The following WRN variants were observed in gnomAD, a reference collection of about 807,000 sequenced individuals.
The protein encoded by WRN is bifunctional 3'-5' exonuclease/ATP-dependent helicase WRN.
Under a neutral mutation model 180.7 loss-of-function variants are expected in WRN, and 149 were observed. The observed-to-expected ratio is 0.82, with a 90% CI of 0.72 to 0.94. WRN has a LOEUF of 0.94. Ranked by LOEUF, WRN falls within the 40% of genes least tolerant of loss-of-function variation. The pLI is 0.00. For missense variants in WRN, 1,661 were observed against 1,700.1 expected (o/e 0.98, Z 0.40); for synonymous variants, 548 against 568.9 (o/e 0.96, Z 0.52).
intron 3 of WRN, among the ~76,000 whole-genome samples, chr8:31,060,701 G>A (rs781181815): frequency 2.0e-5 from 3 of 152,194 alleles, no homozygotes; most frequent in Non-Finnish European, 2.9e-5. Flanking sequence ...GTTTCACAGA[G>A]GAGGTAAAAT....
At chr8:31,086,589 T>TA (rs989440590) in intron 11 of WRN, among the ~76,000 whole-genome samples, 2,159 of 144,146 alleles carry the variant, frequency 0.015, 23 homozygotes, top group Non-Finnish European at 0.022. Flanking sequence ...ATTAAAAAAT[T>TA]AAAAAAAAAA....
intron 1 of WRN, among the ~76,000 whole-genome samples, chr8:31,055,665 A>T (rs1812244527): frequency 6.6e-6 from 1 of 150,972 alleles, no homozygotes; most frequent in Non-Finnish European, 1.5e-5. Flanking sequence ...CTGGATATAG[A>T]CCTTTGTCAG....
intron 33 of WRN, among the ~76,000 whole-genome samples, chr8:31,159,817 C>T (rs562408791): frequency 1.3e-4 from 19 of 151,768 alleles, no homozygotes; most frequent in African/African-American, 3.4e-4. Flanking sequence ...TGGTGGCATG[C>T]GCCTGTAATC....
intron 31 of WRN, among the ~76,000 whole-genome samples, chr8:31,153,931 T>G (rs540266009): frequency 6.6e-6 from 1 of 152,164 alleles, no homozygotes; most frequent in East Asian, 1.9e-4. Context: ...CTTCTTTAAA[T>G]TATTAATTTC....
intron 18 of WRN, among the ~76,000 whole-genome samples, chr8:31,107,433 T>G (rs1801138656): frequency 6.6e-6 from 1 of 152,194 alleles, no homozygotes; most frequent in African/African-American, 2.4e-5. Context: ...TGGACGTCAT[T>G]GGATCATTTT....
intron 8 of WRN, 146 bp downstream of exon 8, chr8:31,076,433 T>G (rs946063276): frequency 1.0e-5 from 7 of 681,096 alleles, no homozygotes; most frequent in African/African-American, 1.8e-5. Flanking sequence ...TGCATAAATT[T>G]GAGAAATATC....
intron 6 of WRN, 47 bp from the exon 7 acceptor site, chr8:31,068,211 T>G (rs1417514083): frequency 7.1e-7 from 1 of 1,398,678 alleles, no homozygotes; most frequent in Admixed American, 1.9e-5. Context: ...ACTGTTTTAT[T>G]TCGGTGATCT....
chr8:31,139,625 G>A (rs953273031), intron 24 of WRN, among the ~76,000 whole-genome samples: 9 of 152,160 alleles, frequency 5.9e-5, no homozygotes, highest in African/African-American at 2.2e-4. Flanking sequence ...GCAAACCAAC[G>A]TGAACCTGCT....
intron 9 of WRN, among the ~76,000 whole-genome samples, chr8:31,081,944 A>G (rs950144735): frequency 6.6e-6 from 1 of 151,960 alleles, no homozygotes; most frequent in African/African-American, 2.4e-5. Flanking sequence ...TATTTTTTGT[A>G]GAGATGGGGT....
chr8:31,167,657 G>A (rs1723817241), intron 34 of WRN, among the ~76,000 whole-genome samples: 1 of 151,978 alleles, frequency 6.6e-6, no homozygotes, highest in African/African-American at 2.4e-5. Flanking sequence ...AATATCTGAG[G>A]TACCAGGATT....
At chr8:31,172,683 A>G (rs1804147698) in intron 34 of WRN, among the ~76,000 whole-genome samples, 1 of 152,162 alleles carries the variant, frequency 6.6e-6, no homozygotes, top group Non-Finnish European at 1.5e-5. Flanking sequence ...TGGTCAACTC[A>G]AAGCAAGTAC....
chr8:31,096,378 C>T (rs1585448482), intron 16 of WRN, among the ~76,000 whole-genome samples: 1 of 152,118 alleles, frequency 6.6e-6, no homozygotes, highest in East Asian at 1.9e-4. Context: ...AATTAGGATT[C>T]TGTCTACCCA....
Position 31,120,201 on chromosome 8 carries a change from T to C in WRN, c.2449-42T>C, listed in dbSNP as rs2725352. On this transcript the variant is annotated intron_variant, in intron 20 of 34. Transcript: ENST00000298139. ...AGGTATAAATGTAAGGTTTTCATTC[T>C]GCTAAATATGTTTGTCAAACTGTGT... 0.46 allele frequency: 735,962 copies of C among 1,608,946 alleles called. 170,839 individuals carry two copies. Among genetic ancestry groups the C allele is most frequent in the East Asian group, 0.6 (26,754 of 44,774 alleles).
intron 30 of WRN, among the ~76,000 whole-genome samples, chr8:31,149,874 A>G (rs1349399667): frequency 6.6e-6 from 1 of 151,932 alleles, no homozygotes; most frequent in Non-Finnish European, 1.5e-5. Flanking sequence ...AATAAGAAAT[A>G]TTGAGCTAAA....
At chr8:31,097,294 A>T (rs1256124674) in intron 17 of WRN, among the ~76,000 whole-genome samples, 1 of 152,096 alleles carries the variant, frequency 6.6e-6, no homozygotes, top group Non-Finnish European at 1.5e-5. Flanking sequence ...CTTTGTTCAT[A>T]AGAATCACTT....
chr8:31,061,662 C>G (rs1363737686), intron 3 of WRN, among the ~76,000 whole-genome samples: 1 of 151,916 alleles, frequency 6.6e-6, no homozygotes, highest in Non-Finnish European at 1.5e-5. Flanking sequence ...AGCTTGTTTT[C>G]AAGCTTGATC....
intron 1 of WRN, among the ~76,000 whole-genome samples, chr8:31,034,223 C>G (rs1811354820): frequency 6.6e-6 from 1 of 152,102 alleles, no homozygotes; most frequent in African/African-American, 2.4e-5. Context: ...TGATGTTTAC[C>G]TTGCGCGCTT....
rs146443310 is a variant in WRN, at chr8:31,132,489, T to A, written c.2950T>A (p.Leu984Ile). 396 of 1,614,152 alleles carry A rather than the reference T, an allele frequency of 2.5e-4. 2 individuals carry two copies. The African/African-American group carries it at 4.8e-3, about 19-fold the overall frequency. ...GEKFGIGLPILFLRGSNSQRL... is the reference protein window; with the variant it reads ...GEKFGIGLPIIFLRGSNSQRL... ...AAAATTTGGAATTGGGCTTCCAATT[T>A]TATTTCTCCGAGGATCTGTAAGTAT... The change falls in exon 24 of 35, where the codon TTA (leucine) becomes ATA (isoleucine). Residue 984 changes from leucine to isoleucine, a missense_variant. Physicochemically the swap from Leu to Ile is conservative, Grantham distance 5 (BLOSUM62 2). This residue lies in a region of WRN where 1,141 missense variants were observed against 1,149.4 expected (regional missense o/e 0.99). Transcript: ENST00000298139.
At chr8:31,137,564 T>A (rs1802446377) in intron 24 of WRN, among the ~76,000 whole-genome samples, 2 of 152,124 alleles carry the variant, frequency 1.3e-5, no homozygotes, top group South Asian at 4.1e-4. Context: ...AAGGATCAGC[T>A]GTTAACTAAT....
Sources: allele counts gnomAD v4.1 joint callset (sites outside exome capture counted in the v4.1 genomes callset), GRCh38; gene constraint gnomAD v4.1.1; regional missense constraint gnomAD v4.1.1; transcripts MANE v1.5; gene names NCBI Gene and HGNC (gene_info 2026-07-23, HGNC 2026-07-21).